Variants in MYO1D observed in about 807,000 individuals in gnomAD.
MYO1D encodes myosin ID.
MYO1D carries 83 observed loss-of-function variants against 122.0 expected under a neutral mutation model. The ratio of observed to expected loss-of-function variants is 0.68; its 90% CI spans 0.57 to 0.82. The LOEUF (loss-of-function observed/expected upper bound fraction) is 0.82. Among genes scored for constraint, MYO1D ranks in the 40% least tolerant of loss-of-function variants. The probability of loss-of-function intolerance (pLI) is 0.00; values close to 1 mark genes in which losing one functional copy is unlikely to be tolerated. For synonymous variants in MYO1D, 464 were observed against 446.9 expected, an observed-to-expected ratio of 1.04 and a Z score of -0.48; for missense variants, 1,157 against 1,269.5, an observed-to-expected ratio of 0.91 and a Z score of 1.35.
intron 1 of MYO1D, among the ~76,000 whole-genome samples, chr17:32,832,118 T>G (rs2090776461): frequency 1.3e-5 from 2 of 151,624 alleles, no homozygotes; most frequent in South Asian, 4.1e-4. Flanking sequence ...TTTTCTTTCT[T>G]TCTTTTTTTT....
intron 21 of MYO1D, among the ~76,000 whole-genome samples, chr17:32,564,781 C>T (rs1431501590): frequency 1.3e-5 from 2 of 152,156 alleles, no homozygotes; most frequent in Non-Finnish European, 2.9e-5. Flanking sequence ...TCAACTGAGG[C>T]TCCAAGCCAT....
intron 1 of MYO1D, among the ~76,000 whole-genome samples, chr17:32,789,881 C>G (rs535989923): frequency 6.6e-6 from 1 of 152,288 alleles, no homozygotes; most frequent in East Asian, 1.9e-4. Flanking sequence ...TGAATTTGGA[C>G]TTCTAGTTTT....
intron 21 of MYO1D, among the ~76,000 whole-genome samples, chr17:32,507,728 G>T (rs1909547249): frequency 6.6e-6 from 1 of 152,134 alleles, no homozygotes; most frequent in African/African-American, 2.4e-5. Context: ...CTTTACAGAG[G>T]TCATTAAGGT....
intron 1 of MYO1D, among the ~76,000 whole-genome samples, chr17:32,801,470 G>A (rs186656623): frequency 1.2e-3 from 189 of 152,322 alleles, no homozygotes; most frequent in Non-Finnish European, 2.3e-3. Flanking sequence ...AGGGGTCTAG[G>A]AAGTGGCCTG....
chr17:32,683,965 G>A (rs1001646009), intron 16 of MYO1D, among the ~76,000 whole-genome samples: 5 of 152,198 alleles, frequency 3.3e-5, no homozygotes, highest in African/African-American at 7.2e-5. Flanking sequence ...CGTTTTTTAA[G>A]CCGGCCTGAA....
chr17:32,753,162 A>G (rs2089914955), intron 11 of MYO1D, among the ~76,000 whole-genome samples: 1 of 152,190 alleles, frequency 6.6e-6, no homozygotes, highest in Non-Finnish European at 1.5e-5. Flanking sequence ...ACTAGGTGAA[A>G]TAATGTACAT....
rs375321038 is a variant in MYO1D, at chr17:32,501,487, C to G, written c.2865-6572G>C. Among the ~76,000 whole-genome samples, 40 of 152,280 alleles carry G rather than the reference C, an allele frequency of 2.6e-4. 1 individual carries two copies. Among genetic ancestry groups the G allele is most frequent in the African/African-American group, 9.4e-4 (39 of 41,554 alleles). On this transcript the variant is annotated intron_variant, in intron 21 of 21. Coordinates refer to ENST00000318217, the MANE Select transcript of MYO1D (RefSeq NM_015194.3). ...GCCAGGAAAGATCTGAATGGACAGG[C>G]CTTGGTGGGTTTAGATCAGTCCCTT...
intron 7 of MYO1D, among the ~76,000 whole-genome samples, chr17:32,766,533 C>T (rs1228583480): frequency 3.9e-5 from 6 of 152,138 alleles, no homozygotes; most frequent in Admixed American, 1.3e-4. Flanking sequence ...CAGTGGCTCA[C>T]GCCTGTAATC....
At chr17:32,640,481 C>G (rs376508345) in intron 19 of MYO1D, among the ~76,000 whole-genome samples, 1 of 117,768 alleles carries the variant, frequency 8.5e-6, no homozygotes, top group East Asian at 3.0e-4. Context: ...CCCCCTCCCC[C>G]CACCCCACAA....
At chr17:32,546,541 T>C (rs2086966010) in intron 21 of MYO1D, among the ~76,000 whole-genome samples, 1 of 152,256 alleles carries the variant, frequency 6.6e-6, no homozygotes, top group Non-Finnish European at 1.5e-5. Flanking sequence ...CTGTGCCGGT[T>C]GTCTTTTTAA....
At position 32,771,188 on chromosome 17, in the gene MYO1D, G is replaced by A; in HGVS notation, c.651C>T (p.Arg217=). ...AAAGGGATTTCTGGAGATGTAGAGA[G>A]CGTAGCATTTGTTCTGAACCTCCTT... The part of the protein sequence containing the change: ...LLQGGSEQML[R]SLHLQKSLSS... The change falls in exon 6 of 22, where the codon CGC becomes CGT. Residue 217 remains arginine, a synonymous_variant. Coordinates refer to ENST00000318217, the MANE Select transcript of MYO1D (RefSeq NM_015194.3). The A allele has an allele frequency of 6.2e-7, 1 of 1,611,822 alleles. No homozygotes were observed.
intron 16 of MYO1D, among the ~76,000 whole-genome samples, chr17:32,703,302 G>A (rs187591813): frequency 6.6e-6 from 1 of 152,128 alleles, no homozygotes; most frequent in East Asian, 1.9e-4. Flanking sequence ...GTTATAGGTG[G>A]GTCAAGAAAT....
rs139963058 is a variant in MYO1D at position 32,712,126 on chromosome 17, T to C, written c.1983A>G (p.Lys661=). 151 of 1,614,124 alleles carry C rather than the reference T, an allele frequency of 9.4e-5. No individual in the cohort carries two copies. The African/African-American group carries it at 1.7e-3, about 19-fold the overall frequency. The change falls in exon 16 of 22, where the codon AAA becomes AAG. Residue 661 remains lysine, a synonymous_variant. Coordinates refer to ENST00000318217, the MANE Select transcript of MYO1D (RefSeq NM_015194.3). ...CCTGAAAACCACACCGTTCAATTAG[T>C]TTCTTGACAGCCTCTTTGTCTGAAG... ...DLPSDKEAVK[K]LIERCGFQDD... is the part of the protein sequence containing the mutation.
rs543545885 is a variant in MYO1D at position 32,607,803 on chromosome 17, G to GA, written c.2710-2563dup. Among the ~76,000 whole-genome samples the GA allele has an allele frequency of 7.6e-3, 1,127 of 147,454 alleles. 7 individuals are homozygous for GA. Among genetic ancestry groups the GA allele is most frequent in the African/African-American group, 0.023 (914 of 40,336 alleles). ...TTAATCAAGACAATAATTTAGAAAG[G>GA]AAAAAAAAAACATAGATCAGAAACA... On this transcript the variant is annotated intron_variant, in intron 20 of 21. Coordinates refer to ENST00000318217, the MANE Select transcript of MYO1D (RefSeq NM_015194.3).
At chr17:32,569,522 C>A (rs1238829516) in intron 21 of MYO1D, among the ~76,000 whole-genome samples, 1 of 152,194 alleles carries the variant, frequency 6.6e-6, no homozygotes, top group Non-Finnish European at 1.5e-5. Flanking sequence ...ATGGTGAACA[C>A]CCAGGGGAAG....
At position 32,638,088 on chromosome 17, in the gene MYO1D, C is replaced by T. The variant is rs116771774; in HGVS notation, c.2709+634G>A. On this transcript the variant is annotated intron_variant, in intron 20 of 21. Transcript: ENST00000318217. The stretch of plus-strand genomic sequence containing the variant: ...ATCCAATATTCCGGTAGGATCTTTC[C>T]GAAGAATCAGAATAAACAGTCACTT... Among the ~76,000 whole-genome samples, 811 of 152,134 alleles carry T rather than the reference C, an allele frequency of 5.3e-3. 7 individuals carry two copies. The highest frequency in any genetic ancestry group is 0.017 in the African/African-American group (725 of 41,496).
At chr17:32,600,985 T>G (rs2087555820) in intron 21 of MYO1D, among the ~76,000 whole-genome samples, 1 of 151,850 alleles carries the variant, frequency 6.6e-6, no homozygotes, top group Non-Finnish European at 1.5e-5. Context: ...AAGGTCTTGT[T>G]CTGTCACCCA....
intron 17 of MYO1D, 78 bp downstream of exon 17, chr17:32,659,037 C>A: frequency 7.8e-7 from 1 of 1,289,408 alleles, no homozygotes; most frequent in Non-Finnish European, 1.1e-6. Context: ...GTCAATATCA[C>A]GGTCTCAGAC....
intron 21 of MYO1D, among the ~76,000 whole-genome samples, chr17:32,552,612 C>A (rs1488038944): frequency 6.6e-6 from 1 of 152,132 alleles, no homozygotes; most frequent in African/African-American, 2.4e-5. Context: ...AATGTATACA[C>A]CAATGCTTAC....
Sources: allele counts gnomAD v4.1 joint callset (sites outside exome capture counted in the v4.1 genomes callset), GRCh38; gene constraint gnomAD v4.1.1; transcripts MANE v1.5; gene names NCBI Gene and HGNC (gene_info 2026-07-23, HGNC 2026-07-21).